The following PHLDB2 variants were observed in gnomAD, a reference collection of about 807,000 sequenced individuals.
PHLDB2 encodes the protein pleckstrin homology like domain family B member 2, also known as pleckstrin homology-like domain family B member 2.
A neutral mutation model predicts 123.6 loss-of-function variants in PHLDB2; 71 were observed. That is an observed-to-expected ratio of 0.57 (90% confidence interval 0.47 to 0.70). The LOEUF (loss-of-function observed/expected upper bound fraction) is 0.70. PHLDB2 is among the 30% of genes least tolerant of loss of function. The pLI is 0.00. For synonymous variants in PHLDB2, 547 were observed against 541.6 expected (o/e 1.01, Z -0.14); for missense variants, 1,446 against 1,519.5 (o/e 0.95, Z 0.80).
intron 3 of PHLDB2, chr3:111,914,094 T>A (rs1234161825): frequency 5.9e-5 from 10 of 169,836 alleles, no homozygotes; most frequent in Non-Finnish European, 1.1e-4. Flanking sequence ...GTTCTGTACT[T>A]TTTTTCCCTC....
chr3:111,744,514 T>G (rs962099388), intron 1 of PHLDB2, among the ~76,000 whole-genome samples: 2 of 152,226 alleles, frequency 1.3e-5, no homozygotes, highest in Non-Finnish European at 2.9e-5. Flanking sequence ...TTGTAAGGTT[T>G]GTTTATAACA....
At chr3:111,842,345 A>C (rs111411603) in intron 1 of PHLDB2, among the ~76,000 whole-genome samples, 7 of 152,294 alleles carry the variant, frequency 4.6e-5, no homozygotes, top group African/African-American at 1.4e-4. Flanking sequence ...TCCTCACACA[A>C]ACATGGCCTT....
At chr3:111,940,701 G>A in intron 8 of PHLDB2, 56 bp downstream of exon 8, 2 of 1,012,008 alleles carry the variant, frequency 2.0e-6, no homozygotes, top group Non-Finnish European at 2.9e-6. Context: ...CAAATTCAGG[G>A]AAATTGCCCC....
At chr3:111,868,322 A>G (rs2065180549) in intron 1 of PHLDB2, among the ~76,000 whole-genome samples, 1 of 152,154 alleles carries the variant, frequency 6.6e-6, no homozygotes, top group South Asian at 2.1e-4. Flanking sequence ...GCCTAGCTTC[A>G]TACATTGTAA....
upstream of PHLDB2, among the ~76,000 whole-genome samples, chr3:111,856,148 G>T (rs868435149): frequency 2.0e-5 from 3 of 152,102 alleles, no homozygotes; most frequent in South Asian, 6.2e-4. Context: ...TGAATAAAAT[G>T]ACTCCCTTTG....
At chr3:111,943,951 TAAACA>T (rs765008850) in intron 8 of PHLDB2, among the ~76,000 whole-genome samples, 4 of 152,118 alleles carry the variant, frequency 2.6e-5, no homozygotes, top group South Asian at 2.1e-4. Flanking sequence ...TCCATAATAG[TAAACA>T]AAACAAAACA....
intron 1 of PHLDB2, among the ~76,000 whole-genome samples, chr3:111,780,727 T>C (rs2060443570): frequency 6.6e-6 from 1 of 152,050 alleles, no homozygotes; most frequent in African/African-American, 2.4e-5. Flanking sequence ...CAGGTAAAAT[T>C]ATGATGGGTT....
chr3:111,846,804 G>A (rs1217362387), intron 2 of PHLDB2, among the ~76,000 whole-genome samples: 1 of 152,170 alleles, frequency 6.6e-6, no homozygotes, highest in African/African-American at 2.4e-5. Flanking sequence ...TGTGGGGGCT[G>A]GCTGGGAATT....
At chr3:111,961,623 G>A (rs1373825172) in intron 12 of PHLDB2, among the ~76,000 whole-genome samples, 1 of 152,156 alleles carries the variant, frequency 6.6e-6, no homozygotes, top group Non-Finnish European at 1.5e-5. Context: ...TATGAGATAC[G>A]AGTTTCTGAA....
At chr3:111,918,921 G>A in intron 3 of PHLDB2, 151 bp from the exon 4 acceptor site, 2 of 815,868 alleles carry the variant, frequency 2.5e-6, no homozygotes, top group Non-Finnish European at 4.0e-6. Flanking sequence ...AAACACATCA[G>A]AGCTCCAAGC....
In PHLDB2 at chr3:111,830,769, A is replaced by G. The variant is rs1466768399; in HGVS notation, c.-48-15052A>G. On this transcript the variant is annotated intron_variant, in intron 1 of 17. Transcript: ENST00000393923. ...GCTTGCAGTGAGCCGAGATCCCGCC[A>G]CTGCACTCCAGCCTGGGCGACAGAG... Among the ~76,000 whole-genome samples the G allele has an allele frequency of 5.1e-5, 6 of 116,552 alleles. No homozygotes were observed. In the South Asian group the frequency reaches 1.8e-3, roughly 36 times the overall value. The allele number at this position is 116,552 out of a possible 152,430, so 76.5% of individuals were successfully genotyped here. A position where few individuals can be genotyped will look rare whatever the true frequency, so the allele number is the denominator to read the frequency against.
intron 2 of PHLDB2, among the ~76,000 whole-genome samples, chr3:111,899,485 G>C (rs1282937): frequency 1 from 152,257 of 152,318 alleles, 76,098 homozygotes; most frequent in Non-Finnish European, 1. Flanking sequence ...CAGTAGATCT[G>C]AACAGTGGGC....
chr3:111,961,098 C>T (rs964627066), intron 12 of PHLDB2, among the ~76,000 whole-genome samples: 7 of 152,136 alleles, frequency 4.6e-5, no homozygotes, highest in Admixed American at 2.6e-4. Flanking sequence ...TTTGGGAGGC[C>T]GAGGCAGGCA....
chr3:111,943,626 C>T (rs948086956), intron 8 of PHLDB2, among the ~76,000 whole-genome samples: 3 of 151,782 alleles, frequency 2.0e-5, no homozygotes, highest in East Asian at 1.9e-4. Context: ...TATGAAGAAC[C>T]GAAAAGTTAC....
chr3:111,972,813 A>G (rs550761425), intron 16 of PHLDB2, among the ~76,000 whole-genome samples: 1 of 152,292 alleles, frequency 6.6e-6, no homozygotes, highest in African/African-American at 2.4e-5. Context: ...TTGTGCCACA[A>G]CAAACACAAA....
intron 5 of PHLDB2, among the ~76,000 whole-genome samples, chr3:111,922,914 TG>T (rs1007756359): frequency 1.3e-5 from 2 of 152,178 alleles, no homozygotes; most frequent in Admixed American, 1.3e-4. Context: ...GGATGTGCTC[TG>T]GGTGTCATCC....
At chr3:111,818,968 T>C (rs1412629852) in intron 1 of PHLDB2, among the ~76,000 whole-genome samples, 2 of 152,174 alleles carry the variant, frequency 1.3e-5, no homozygotes, top group Non-Finnish European at 2.9e-5. Context: ...ATTGGGTGGC[T>C]TAAACAACAG....
chr3:111,850,435 T>C (rs544257297), intron 2 of PHLDB2, among the ~76,000 whole-genome samples: 1 of 152,322 alleles, frequency 6.6e-6, no homozygotes, highest in South Asian at 2.1e-4. Context: ...TACTTGTACC[T>C]AAAAAGCTGT....
At chr3:111,874,863 TC>T (rs1279105137) in intron 1 of PHLDB2, among the ~76,000 whole-genome samples, 4 of 152,144 alleles carry the variant, frequency 2.6e-5, no homozygotes, top group Middle Eastern at 3.2e-3. Context: ...TTAATTTTTT[TC>T]CCTGTACAAT....
Sources: allele counts gnomAD v4.1 joint callset (sites outside exome capture counted in the v4.1 genomes callset), GRCh38; gene constraint gnomAD v4.1.1; transcripts MANE v1.5; gene names NCBI Gene and HGNC (gene_info 2026-07-23, HGNC 2026-07-21).